Variants in EPN1 observed in about 807,000 individuals in gnomAD.
EPN1 encodes the protein epsin-1.
A neutral mutation model predicts 56.9 loss-of-function variants in EPN1; 25 were observed. The ratio of observed to expected loss-of-function variants is 0.44; its 90% CI spans 0.32 to 0.61. The LOEUF (loss-of-function observed/expected upper bound fraction) is 0.61. Among genes scored for constraint, EPN1 ranks in the 20% least tolerant of loss-of-function variants. The probability of loss-of-function intolerance (pLI) is 0.05; values close to 1 mark genes in which losing one functional copy is unlikely to be tolerated. For missense variants in EPN1, 785 were observed against 823.7 expected (o/e 0.95, Z 0.58); for synonymous variants, 411 against 361.8 (o/e 1.14, Z -1.54).
rs115623019 is a variant in EPN1 at position 55,707,497 on chromosome 19, C to G, written c.*12141C>G. 1,121 of 153,138 alleles carry G rather than the reference C, an allele frequency of 7.3e-3. 15 individuals carry two copies. The highest frequency in any genetic ancestry group is 0.022 in the African/African-American group (908 of 41,594). The allele number at this position is 153,138 out of a possible 1,614,324, so 9.5% of individuals were successfully genotyped here. ...GTAAAGGAAAGACCAAAATAACTTT[C>G]CAAGATGAAAAGCTAAGAGTGCTGA... On this transcript the variant is annotated 3_prime_UTR_variant, in exon 11 of 11. Coordinates refer to ENST00000270460, the MANE Select transcript of EPN1 (RefSeq NM_001130072.2).
At position 55,705,455 on chromosome 19, in the gene EPN1, C is replaced by G. The variant is rs532697780; in HGVS notation, c.*10099C>G. The G allele has an allele frequency of 6.4e-4, 97 of 152,310 alleles. No homozygotes were observed. Among genetic ancestry groups the G allele is most frequent in the African/African-American group, 2.2e-3 (91 of 41,566 alleles). 9.4% of individuals were successfully genotyped at this position (152,310 alleles called of 1,614,324 possible). ...TTGAGGTCAGGAGTTCGAGACCAGC[C>G]TGGCCAACATGACAAAATCACCATC... On this transcript the variant is annotated 3_prime_UTR_variant, in exon 11 of 11. Coordinates refer to ENST00000270460, the MANE Select transcript of EPN1 (RefSeq NM_001130072.2).
chr19:55,678,407 C>T (rs1985579516), intron 1 of EPN1, 120 bp from the exon 2 acceptor site: 1 of 1,053,302 alleles, frequency 9.5e-7, no homozygotes, highest in African/African-American at 1.6e-5. Flanking sequence ...TACTTTGAGA[C>T]CTAGAGGTTA....
At chr19:55,676,966 C>G in intron 1 of EPN1, 1 of 608,350 alleles carries the variant, frequency 1.6e-6, no homozygotes. Context: ...GTTACATCAT[C>G]TCTTCATCTT....
In EPN1 at chr19:55,697,628, C is replaced by T. The variant is rs1986961183; in HGVS notation, c.*2272C>T. On this transcript the variant is annotated 3_prime_UTR_variant, in exon 11 of 11. Transcript: ENST00000270460. ...ATTTGGGGCTTAACTACAGCATCTT[C>T]GGCATCTTCTTTTCCCTACAGTGCG... The T allele has an allele frequency of 1.3e-5, 2 of 152,166 alleles. No homozygotes were observed. Among genetic ancestry groups the T allele is most frequent in the Admixed American group, 6.5e-5 (1 of 15,280 alleles). The allele number at this position is 152,166 out of a possible 1,614,324, so 9.4% of individuals were successfully genotyped here.
Position 55,678,620 on chromosome 19 carries a change from CG to C in EPN1, c.-5del, listed in dbSNP as rs1568563869. On this transcript the variant is annotated 5_prime_UTR_variant, in exon 2 of 11. Transcript: ENST00000270460. ...GCCCTGTGCCCCTTGCTGCTGCAGC[CG>C]GGCACCATGTCGACCTCGTCCTTGA... 1 of 1,603,682 alleles carries C rather than the reference CG, an allele frequency of 6.2e-7. No homozygotes were observed. Among genetic ancestry groups the C allele is most frequent in the Non-Finnish European group, 8.5e-7 (1 of 1,175,732 alleles).
Position 55,694,435 on chromosome 19 carries a change from C to T in EPN1, c.1265-291C>T, listed in dbSNP as rs765670677. On this transcript the variant is annotated intron_variant, in intron 9 of 10. Transcript: ENST00000270460. The surrounding 1 kb of genome is among the most constrained non-coding windows in gnomAD (Gnocchi z 4.2). The stretch of plus-strand genomic sequence containing the variant: ...CCCCCGCGGGCCTATAGACCCTGGA[C>T]GGCCCCACCCTGAAGCAGTTGCTGC... 1.1e-5 allele frequency: 4 copies of T among 372,048 alleles called. No individual in the cohort carries two copies. The highest frequency in any genetic ancestry group is 8.8e-5 in the Admixed American group (2 of 22,818). 23.0% of individuals were successfully genotyped at this position (372,048 alleles called of 1,614,324 possible).
rs1987531061 is a variant in EPN1 at position 55,708,393 on chromosome 19, T to C, written c.*13037T>C. On this transcript the variant is annotated 3_prime_UTR_variant, in exon 11 of 11. Transcript: ENST00000270460. ...ATATATTTGAATAATACTGAATTTT[T>C]AGAAAAATCTATTGGGGTGTCATAT... 7.1e-6 allele frequency: 1 copy of C among 140,384 alleles called. No individual in the cohort carries two copies. The highest frequency in any genetic ancestry group is 1.5e-5 in the Non-Finnish European group (1 of 65,536). 8.7% of individuals were successfully genotyped at this position (140,384 alleles called of 1,614,324 possible). A position where few individuals can be genotyped will look rare whatever the true frequency, so the allele number is the denominator to read the frequency against.
At chr19:55,684,347 CT>C (rs36036382) in intron 2 of EPN1, among the ~76,000 whole-genome samples, 2 of 151,998 alleles carry the variant, frequency 1.3e-5, no homozygotes, top group Non-Finnish European at 2.9e-5. Context: ...AAAGTTGTGC[CT>C]TTTTTTGAGG....
chr19:55,682,100 C>T (rs759020489), intron 2 of EPN1, among the ~76,000 whole-genome samples: 18 of 152,192 alleles, frequency 1.2e-4, no homozygotes, highest in Non-Finnish European at 2.2e-4. Context: ...GCCACTACAC[C>T]TGGCCCACTT....
intron 2 of EPN1, among the ~76,000 whole-genome samples, chr19:55,682,844 C>T (rs1031168822): frequency 1.3e-5 from 2 of 152,162 alleles, no homozygotes; most frequent in African/African-American, 4.8e-5. Context: ...GCAACTTCTG[C>T]CTCCCAGGTT....
chr19:55,706,365 AAG>A lies in EPN1; in HGVS notation c.*11012_*11013del, dbSNP rs1477653662. ...GTGGCGTACTGTTTTAGAAAAGTGA[AAG>A]AGGGCCGGGCGTGGTGGCTCATGTC... On this transcript the variant is annotated 3_prime_UTR_variant, in exon 11 of 11. Coordinates refer to ENST00000270460, the MANE Select transcript of EPN1 (RefSeq NM_001130072.2). The A allele has an allele frequency of 6.6e-6, 1 of 151,714 alleles. No homozygotes were observed. Among genetic ancestry groups the A allele is most frequent in the Non-Finnish European group, 1.5e-5 (1 of 68,698 alleles). 9.4% of individuals were successfully genotyped at this position (151,714 alleles called of 1,614,324 possible). A position where few individuals can be genotyped will look rare whatever the true frequency, so the allele number is the denominator to read the frequency against.
chr19:55,693,186 C>T (rs1037122808), intron 9 of EPN1, 149 bp downstream of exon 9: 6 of 600,540 alleles, frequency 1.0e-5, no homozygotes, highest in African/African-American at 1.8e-5. Context: ...GGGCCAGAAC[C>T]ATCCACCTGT....
Position 55,703,905 on chromosome 19 carries a change from G to C in EPN1, c.*8549G>C, listed in dbSNP as rs1987266014. Reference sequence around the variant, plus strand: ...GGCTGCTGGCCCAGCAGAGGGCGCCGGAGAGCGGACGGAGCCGCAGGCGGG... The same window carrying C: ...GGCTGCTGGCCCAGCAGAGGGCGCCCGAGAGCGGACGGAGCCGCAGGCGGG... On this transcript the variant is annotated 3_prime_UTR_variant, in exon 11 of 11. Coordinates refer to ENST00000270460, the MANE Select transcript of EPN1 (RefSeq NM_001130072.2). 1 of 152,232 alleles carries C rather than the reference G, an allele frequency of 6.6e-6. No homozygotes were observed. Among genetic ancestry groups the C allele is most frequent in the South Asian group, 2.1e-4 (1 of 4,836 alleles). 9.4% of individuals were successfully genotyped at this position (152,232 alleles called of 1,614,324 possible).
chr19:55,695,657 G>A lies in EPN1; in HGVS notation c.*301G>A, dbSNP rs577894276. 2 of 431,350 alleles carry A rather than the reference G, an allele frequency of 4.6e-6. No homozygotes were observed. Among genetic ancestry groups the A allele is most frequent in the South Asian group, 4.1e-5 (1 of 24,586 alleles). 26.7% of individuals were successfully genotyped at this position (431,350 alleles called of 1,614,324 possible). A position where few individuals can be genotyped will look rare whatever the true frequency, so the allele number is the denominator to read the frequency against. On this transcript the variant is annotated 3_prime_UTR_variant, in exon 11 of 11. Transcript: ENST00000270460. The surrounding 1 kb of genome is among the most constrained non-coding windows in gnomAD (Gnocchi z 4.4). ...CCTCCAAACTCCCAACCCCCAGTCA[G>A]TGTTTGAGCCTCCTCGTTCCCCTCA...
intron 3 of EPN1, 42 bp downstream of exon 3, chr19:55,685,687 C>T (rs1487964465): frequency 2.6e-6 from 4 of 1,554,702 alleles, no homozygotes; most frequent in Non-Finnish European, 3.5e-6. Context: ...AGAGTCTGTC[C>T]TCCGCCTACT....
intron 2 of EPN1, chr19:55,680,846 C>T (rs894675299): frequency 1.3e-5 from 2 of 152,522 alleles, no homozygotes; most frequent in Admixed American, 6.5e-5. Flanking sequence ...CTTTGGCCCT[C>T]TCCGGAGCCC....
intron 2 of EPN1, 62 bp from the exon 3 acceptor site, chr19:55,685,334 G>A: frequency 6.4e-7 from 1 of 1,564,782 alleles, no homozygotes; most frequent in Admixed American, 1.9e-5. Flanking sequence ...CCGCGTCGCA[G>A]GCAGTCTCTG....
Position 55,691,812 on chromosome 19 carries a change from A to T in EPN1, c.821A>T (p.Asp274Val). Residue 274 changes from aspartate (D) to valine (V), a missense_variant, in exon 7 of 11, where the codon GAC (aspartate) becomes GTC (valine). Asp to Val is a radical substitution (Grantham distance 152, BLOSUM62 -3). Around this residue, in one of 2 missense-constraint regions of EPN1, gnomAD observed 650 missense variants for 605.0 expected, o/e 1.07. Transcript: ENST00000270460. The surrounding 1 kb of genome is among the most constrained non-coding windows in gnomAD (Gnocchi z 5.6). ...FTAPAPAPTT[D>V]PWGGPAPMAA... The stretch of plus-strand genomic sequence containing the variant: ...GCCCCAGCTCCTGCCCCGACCACAG[A>T]CCCCTGGGGGGGCCCAGCACCCATG... 6.2e-7 allele frequency: 1 copy of T among 1,610,164 alleles called. No individual in the cohort carries two copies.
intron 9 of EPN1, among the ~76,000 whole-genome samples, chr19:55,693,955 C>G (rs1986745318): frequency 6.6e-6 from 1 of 152,158 alleles, no homozygotes; most frequent in Non-Finnish European, 1.5e-5. Flanking sequence ...ATGGCTCACG[C>G]CTGTAATCCC....
Sources: allele counts gnomAD v4.1 joint callset (sites outside exome capture counted in the v4.1 genomes callset), GRCh38; gene constraint gnomAD v4.1.1; regional missense constraint gnomAD v4.1.1; non-coding constraint Gnocchi (gnomAD v3.1); transcripts MANE v1.5; gene names NCBI Gene and HGNC (gene_info 2026-07-23, HGNC 2026-07-21).